The following THSD4 variants were observed in gnomAD, a reference collection of about 807,000 sequenced individuals.
THSD4 encodes the protein thrombospondin type-1 domain-containing protein 4.
A neutral mutation model predicts 119.0 loss-of-function variants in THSD4; 69 were observed. That is an observed-to-expected ratio of 0.58 (90% CI 0.48 to 0.71). The LOEUF (loss-of-function observed/expected upper bound fraction) is 0.71, where lower values mean the gene tolerates loss of function less well. Among genes scored for constraint, THSD4 ranks in the 30% least tolerant of loss-of-function variants. The pLI, the probability that THSD4 is intolerant of heterozygous loss-of-function variation, is 0.00. For missense variants in THSD4, 1,393 were observed against 1,391.1 expected, an observed-to-expected ratio of 1.00 and a Z score of -0.02; for synonymous variants, 524 against 540.4, an observed-to-expected ratio of 0.97 and a Z score of 0.42.
chr15:71,377,867 AACACACACACACACAC>A (rs376497737), intron 6 of THSD4, among the ~76,000 whole-genome samples: 6 of 86,340 alleles, frequency 6.9e-5, no homozygotes, highest in East Asian at 3.8e-4. Context: ...ACATATCCAC[AACACACACACACACAC>A]ACACACACAC....
intron 7 of THSD4, among the ~76,000 whole-genome samples, chr15:71,607,721 T>A (rs2050135632): frequency 6.6e-6 from 1 of 152,034 alleles, no homozygotes; most frequent in South Asian, 2.1e-4. Context: ...TGGACAAACA[T>A]GAGGGCATGT....
intron 6 of THSD4, among the ~76,000 whole-genome samples, chr15:71,318,598 G>A (rs914173740): frequency 6.6e-6 from 1 of 152,180 alleles, no homozygotes; most frequent in African/African-American, 2.4e-5. Flanking sequence ...AGTTGTTAAG[G>A]TGATTCAGAC....
chr15:71,454,451 A>G (rs540337122), intron 7 of THSD4, among the ~76,000 whole-genome samples: 87 of 152,384 alleles, frequency 5.7e-4, no homozygotes, highest in African/African-American at 2.0e-3. Flanking sequence ...CTGGCCACCA[A>G]AGAAAGAGGT....
chr15:71,220,256 A>G (rs1160188845), intron 4 of THSD4, among the ~76,000 whole-genome samples: 1 of 152,226 alleles, frequency 6.6e-6, no homozygotes, highest in Non-Finnish European at 1.5e-5. Flanking sequence ...GGAAGACTGC[A>G]CAGAGCAGGT....
chr15:71,720,022 C>CTTTTTTTTTTTCTT (rs2052685233), intron 8 of THSD4, among the ~76,000 whole-genome samples: 2 of 114,470 alleles, frequency 1.7e-5, no homozygotes, highest in Non-Finnish European at 1.6e-5. Flanking sequence ...ATAACATGTG[C>CTTTTTTTTTTTCTT]TTTTTTTTTT....
intron 8 of THSD4, among the ~76,000 whole-genome samples, chr15:71,672,248 A>G (rs1595850464): frequency 6.6e-6 from 1 of 152,122 alleles, no homozygotes; most frequent in Non-Finnish European, 1.5e-5. Flanking sequence ...CTTTGAAGCA[A>G]TTGTGAATGG....
At chr15:71,244,493 G>C (rs540251866) in intron 5 of THSD4, among the ~76,000 whole-genome samples, 7 of 152,176 alleles carry the variant, frequency 4.6e-5, no homozygotes, top group Admixed American at 6.5e-5. Flanking sequence ...TTCATTGAAT[G>C]CCTGGGTTGC....
Position 71,420,472 on chromosome 15 carries a change from A to T in THSD4, c.1152+8649A>T, listed in dbSNP as rs1289178688. 2.9e-5 allele frequency among the ~76,000 whole-genome samples: 3 copies of T among 104,772 alleles called. 1 individual carries two copies. Among genetic ancestry groups the T allele is most frequent in the Non-Finnish European group, 6.2e-5 (3 of 48,136 alleles). 68.7% of individuals were successfully genotyped at this position (104,772 alleles called of 152,430 possible). Reference sequence around the variant, plus strand: ...TGTGAGTTTTGTCCATTTCCATTCAATGTTATTATTGATAGTTAATGACTT... The same window carrying T: ...TGTGAGTTTTGTCCATTTCCATTCATTGTTATTATTGATAGTTAATGACTT... On this transcript the variant is annotated intron_variant, in intron 7 of 17. Coordinates refer to ENST00000261862, the MANE Select transcript of THSD4 (RefSeq NM_024817.3).
chr15:71,772,165 G>A (rs576302329), intron 17 of THSD4, among the ~76,000 whole-genome samples: 457 of 152,322 alleles, frequency 3.0e-3, no homozygotes, highest in Non-Finnish European at 5.4e-3. Flanking sequence ...CAAAGGAAAT[G>A]TATTAATATA....
chr15:71,165,668 T>G (rs1388925030), intron 3 of THSD4, among the ~76,000 whole-genome samples: 2 of 152,200 alleles, frequency 1.3e-5, no homozygotes, highest in East Asian at 3.9e-4. Flanking sequence ...TCAACTGTAA[T>G]CTTCATCTGT....
chr15:71,256,757 C>T (rs1359649824), intron 6 of THSD4, 42 bp downstream of exon 6: 3 of 1,566,726 alleles, frequency 1.9e-6, no homozygotes, highest in Non-Finnish European at 2.6e-6. Context: ...TTACTTTAGT[C>T]TGTTTTCCAT....
intron 7 of THSD4, among the ~76,000 whole-genome samples, chr15:71,549,083 C>G (rs2048886209): frequency 6.6e-6 from 1 of 152,188 alleles, no homozygotes; most frequent in Admixed American, 6.5e-5. Flanking sequence ...TGACAATCAG[C>G]AAAGCAGATG....
At chr15:71,477,529 A>T (rs1031036072) in intron 7 of THSD4, among the ~76,000 whole-genome samples, 1 of 152,206 alleles carries the variant, frequency 6.6e-6, no homozygotes, top group Admixed American at 6.5e-5. Flanking sequence ...TGGAGGCCAC[A>T]TTGGGAGCAT....
intron 7 of THSD4, among the ~76,000 whole-genome samples, chr15:71,470,137 G>A (rs994198041): frequency 3.3e-5 from 5 of 152,172 alleles, no homozygotes; most frequent in Non-Finnish European, 7.3e-5. Flanking sequence ...TTATAAAGTA[G>A]TTTGTTTTTT....
At chr15:71,446,037 C>T (rs537125486) in intron 7 of THSD4, among the ~76,000 whole-genome samples, 1 of 152,310 alleles carries the variant, frequency 6.6e-6, no homozygotes, top group East Asian at 1.9e-4. Flanking sequence ...CTTCAACTCT[C>T]CCAAAAGAAA....
At chr15:71,500,055 C>T (rs1473578114) in intron 7 of THSD4, among the ~76,000 whole-genome samples, 3 of 152,136 alleles carry the variant, frequency 2.0e-5, no homozygotes, top group Non-Finnish European at 4.4e-5. Flanking sequence ...GAGGAACCAC[C>T]TTACTGTTTA....
At chr15:71,603,388 G>A (rs1249579514) in intron 7 of THSD4, among the ~76,000 whole-genome samples, 1 of 152,208 alleles carries the variant, frequency 6.6e-6, no homozygotes, top group East Asian at 1.9e-4. Context: ...CACACAGCAC[G>A]AACTTCCCGT....
intron 6 of THSD4, among the ~76,000 whole-genome samples, chr15:71,284,511 G>C (rs946811245): frequency 6.6e-6 from 1 of 152,184 alleles, no homozygotes; most frequent in Non-Finnish European, 1.5e-5. Context: ...ATGCTGAGAA[G>C]CCAAGTTACT....
At chr15:71,129,732 T>G (rs2040486123) in intron 1 of THSD4, among the ~76,000 whole-genome samples, 1 of 151,814 alleles carries the variant, frequency 6.6e-6, no homozygotes, top group Non-Finnish European at 1.5e-5. Context: ...TCTCCCTCCT[T>G]CTGTAAGGAT....
Sources: allele counts gnomAD v4.1 joint callset (sites outside exome capture counted in the v4.1 genomes callset), GRCh38; gene constraint gnomAD v4.1.1; transcripts MANE v1.5; gene names NCBI Gene and HGNC (gene_info 2026-07-23, HGNC 2026-07-21).